Variants in SCNN1G observed in about 807,000 individuals in gnomAD.
SCNN1G encodes epithelial sodium channel subunit gamma.
In SCNN1G, 27 loss-of-function variants were observed where a neutral mutation model predicts 64.6. That is an observed-to-expected ratio of 0.42 (90% CI 0.31 to 0.58). SCNN1G has a LOEUF of 0.58. SCNN1G is among the 20% of genes least tolerant of loss of function. SCNN1G has a pLI of 0.18. For missense variants in SCNN1G, 743 were observed against 823.4 expected, an observed-to-expected ratio of 0.90 and a Z score of 1.19; for synonymous variants, 330 against 314.2, an observed-to-expected ratio of 1.05 and a Z score of -0.53.
intron 6 of SCNN1G, among the ~76,000 whole-genome samples, chr16:23,199,951 G>A (rs901656798): frequency 6.6e-6 from 1 of 152,096 alleles, no homozygotes; most frequent in East Asian, 1.9e-4. Context: ...GATTACAGGC[G>A]TGAGCCACAG....
intron 6 of SCNN1G, among the ~76,000 whole-genome samples, chr16:23,198,909 C>T (rs1959841049): frequency 6.6e-6 from 1 of 151,914 alleles, no homozygotes; most frequent in Non-Finnish European, 1.5e-5. Flanking sequence ...ATAAAATTAG[C>T]CAGGCATGCT....
intron 6 of SCNN1G, among the ~76,000 whole-genome samples, chr16:23,206,273 A>C (rs1959988566): frequency 6.6e-6 from 1 of 152,194 alleles, no homozygotes; most frequent in African/African-American, 2.4e-5. Context: ...GGCTGGACTG[A>C]CCACCTTACA....
chr16:23,206,476 G>A (rs1056609174), intron 6 of SCNN1G, among the ~76,000 whole-genome samples: 1 of 152,186 alleles, frequency 6.6e-6, no homozygotes, highest in Non-Finnish European at 1.5e-5. Flanking sequence ...CTTGCTGGGT[G>A]CAGCGCCCCA....
intron 1 of SCNN1G, among the ~76,000 whole-genome samples, chr16:23,185,282 TAG>T (rs1222498950): frequency 6.6e-6 from 1 of 152,224 alleles, no homozygotes; most frequent in Non-Finnish European, 1.5e-5. Flanking sequence ...TGTATATTTA[TAG>T]AGAGAGACAA....
intron 7 of SCNN1G, among the ~76,000 whole-genome samples, chr16:23,211,626 A>G (rs1477601433): frequency 6.6e-6 from 1 of 152,072 alleles, no homozygotes; most frequent in Non-Finnish European, 1.5e-5. Context: ...CCTGGCCAAC[A>G]TGGTGAAACC....
At chr16:23,208,583 C>CTCCCTTCCCT (rs951336928) in intron 6 of SCNN1G, among the ~76,000 whole-genome samples, 1 of 151,284 alleles carries the variant, frequency 6.6e-6, no homozygotes, top group Non-Finnish European at 1.5e-5. Context: ...CTTCCTTTCT[C>CTCCCTTCCCT]TCCCTTCCCT....
Position 23,204,334 on chromosome 16 carries a change from TAGAGAGAG to T in SCNN1G, c.1078-5384_1078-5377del, listed in dbSNP as rs755322105. 3.2e-3 allele frequency among the ~76,000 whole-genome samples: 49 copies of T among 15,172 alleles called. 1 individual carries two copies. The highest frequency in any genetic ancestry group is 5.8e-3 in the South Asian group (1 of 172). 10.0% of individuals were successfully genotyped at this position (15,172 alleles called of 152,430 possible). On this transcript the variant is annotated intron_variant, in intron 6 of 12. Coordinates refer to ENST00000300061, the MANE Select transcript of SCNN1G (RefSeq NM_001039.4). The stretch of plus-strand genomic sequence containing the variant: ...ATATATATATATATATATATATATA[TAGAGAGAG>T]AGAGAGAGAGAGAGAGAGAGAGAGA...
At chr16:23,185,089 C>T (rs539189860) in intron 1 of SCNN1G, among the ~76,000 whole-genome samples, 21 of 152,320 alleles carry the variant, frequency 1.4e-4, no homozygotes, top group African/African-American at 4.3e-4. Flanking sequence ...CCCTCAAAGG[C>T]GTATGCCATA....
intron 3 of SCNN1G, among the ~76,000 whole-genome samples, chr16:23,190,068 A>AC (rs1959681967): frequency 1.2e-5 from 1 of 82,352 alleles, no homozygotes; most frequent in Non-Finnish European, 3.2e-5. Context: ...AGACTCTGTT[A>AC]AAAAAAAAAG....
intron 6 of SCNN1G, among the ~76,000 whole-genome samples, chr16:23,202,344 A>ATGGC (rs1029914001): frequency 2.0e-5 from 3 of 151,860 alleles, no homozygotes; most frequent in African/African-American, 7.3e-5. Context: ...AGGTGGATGG[A>ATGGC]TGGCTGGCTG....
chr16:23,193,770 A>C (rs1333420118), intron 4 of SCNN1G, among the ~76,000 whole-genome samples: 1 of 151,026 alleles, frequency 6.6e-6, no homozygotes, highest in African/African-American at 2.5e-5. Context: ...TGTCTCCCTA[A>C]GAGTTGGGTT....
intron 1 of SCNN1G, among the ~76,000 whole-genome samples, chr16:23,183,557 G>A (rs1022150723): frequency 1.3e-5 from 2 of 152,218 alleles, no homozygotes; most frequent in African/African-American, 4.8e-5. Context: ...GGTGCACGGA[G>A]CCGCTGCGAT....
chr16:23,202,969 G>A (rs1396725925), intron 6 of SCNN1G, among the ~76,000 whole-genome samples: 1 of 152,140 alleles, frequency 6.6e-6, no homozygotes, highest in East Asian at 1.9e-4. Flanking sequence ...AAAACCTTGG[G>A]GGGTAATTGT....
chr16:23,193,091 A>G (rs1959737863), intron 4 of SCNN1G, among the ~76,000 whole-genome samples: 1 of 139,514 alleles, frequency 7.2e-6, no homozygotes, highest in African/African-American at 2.6e-5. Context: ...AAAAAAAAAA[A>G]AAAAAACCCA....
intron 4 of SCNN1G, 71 bp from the exon 5 acceptor site, chr16:23,194,100 C>A: frequency 9.9e-7 from 1 of 1,008,940 alleles, no homozygotes; most frequent in Non-Finnish European, 1.6e-6. Flanking sequence ...GCTCCATTAG[C>A]ACTGCCCTGC....
chr16:23,214,600 G>A (rs182145150), intron 11 of SCNN1G, 112 bp from the exon 12 acceptor site: 4 of 809,752 alleles, frequency 4.9e-6, no homozygotes, highest in Non-Finnish European at 8.7e-6. Flanking sequence ...TCCCCAAGGA[G>A]CTCAGTGCCT....
intron 11 of SCNN1G, 59 bp downstream of exon 11, chr16:23,213,222 C>A: frequency 3.4e-6 from 4 of 1,180,442 alleles, no homozygotes; most frequent in Non-Finnish European, 5.1e-6. Context: ...AGCCTTCTCA[C>A]TTGCTTCTGT....
At chr16:23,197,123 CA>C (rs1356921750) in intron 5 of SCNN1G, 140 bp from the exon 6 acceptor site, 2 of 726,682 alleles carry the variant, frequency 2.8e-6, no homozygotes, top group African/African-American at 1.7e-5. Context: ...ACGGAGCTTC[CA>C]GTCTAGCCCT....
intron 7 of SCNN1G, among the ~76,000 whole-genome samples, chr16:23,210,978 C>A (rs1960069575): frequency 6.6e-6 from 1 of 152,104 alleles, no homozygotes; most frequent in Non-Finnish European, 1.5e-5. Context: ...TTCAAGCCTG[C>A]AGTGAGCCAT....
Sources: allele counts gnomAD v4.1 joint callset (sites outside exome capture counted in the v4.1 genomes callset), GRCh38; gene constraint gnomAD v4.1.1; transcripts MANE v1.5; gene names NCBI Gene and HGNC (gene_info 2026-07-23, HGNC 2026-07-21).